Variants in TOLLIP observed in about 807,000 individuals in gnomAD.
The protein encoded by TOLLIP is toll-interacting protein.
TOLLIP carries 16 observed loss-of-function variants against 33.5 expected under a neutral mutation model. The observed-to-expected ratio is 0.48, with a 90% CI of 0.32 to 0.72. TOLLIP has a LOEUF of 0.72. TOLLIP is among the 30% of genes least tolerant of loss of function. TOLLIP has a pLI of 0.03. For synonymous variants in TOLLIP, 176 were observed against 163.7 expected (o/e 1.07, Z -0.57); for missense variants, 325 against 396.6 (o/e 0.82, Z 1.53).
At chr11:1,288,824 C>A (rs1385189610) in intron 3 of TOLLIP, 48 bp from the exon 4 acceptor site, 1 of 1,583,506 alleles carries the variant, frequency 6.3e-7, no homozygotes, top group Non-Finnish European at 8.6e-7. Context: ...GAAGGGGCCA[C>A]CCTGCCCCTG....
Position 1,285,907 on chromosome 11 carries a change from C to T in TOLLIP, c.610+95G>A, listed in dbSNP as rs1216445728. ...ATTCTAGAATGGATGACGTCCCCAC[C>T]CCGGCGCTCTAAGCCCCGTTCCCTC... On this transcript the variant is annotated intron_variant, in intron 5 of 5. Transcript: ENST00000317204. 8 of 886,992 alleles carry T rather than the reference C, an allele frequency of 9.0e-6. No individual in the cohort carries two copies. In the Admixed American group the frequency reaches 2.0e-4, roughly 22 times the overall value. 54.9% of individuals were successfully genotyped at this position (886,992 alleles called of 1,614,324 possible). A position where few individuals can be genotyped will look rare whatever the true frequency, so the allele number is the denominator to read the frequency against.
rs1199505508 is a variant in TOLLIP, at chr11:1,303,235, C to G, written c.33+6231G>C. The stretch of plus-strand genomic sequence containing the variant: ...ACTCCACTGCAGGCAGCCTTGCATC[C>G]TAAGTGCTGGGACGGTCAAGCAAGG... On this transcript the variant is annotated intron_variant, in intron 1 of 5. Transcript: ENST00000317204. This position sits in a 1 kb window ranked among gnomAD's most constrained non-coding sequence, Gnocchi z 4.2. Among the ~76,000 whole-genome samples, 2 of 152,126 alleles carry G rather than the reference C, an allele frequency of 1.3e-5. No individual in the cohort carries two copies. Among genetic ancestry groups the G allele is most frequent in the East Asian group, 3.9e-4 (2 of 5,162 alleles).
chr11:1,275,133 T>TGTGTGGGTCCCTCG lies in TOLLIP; in HGVS notation c.*1905_*1906insCGAGGGACCCACAC, dbSNP rs1863247632. 6.6e-6 allele frequency: 1 copy of TGTGTGGGTCCCTCG among 152,190 alleles called. No individual in the cohort carries two copies. 9.4% of individuals were successfully genotyped at this position (152,190 alleles called of 1,614,324 possible). A position where few individuals can be genotyped will look rare whatever the true frequency, so the allele number is the denominator to read the frequency against. On this transcript the variant is annotated 3_prime_UTR_variant, in exon 6 of 6. Coordinates refer to ENST00000317204, the MANE Select transcript of TOLLIP (RefSeq NM_019009.4). ...AGGGTTGCTCTCCCTCCAGCGAGGC[T>TGTGTGGGTCCCTCG]GGCCCCCACTGTGTGGGTCCCTCGG...
At chr11:1,297,443 G>A (rs1027924612) in intron 1 of TOLLIP, among the ~76,000 whole-genome samples, 13 of 152,334 alleles carry the variant, frequency 8.5e-5, no homozygotes, top group Middle Eastern at 3.4e-3. Context: ...TCCAGGCACC[G>A]CTTCGAGCAG....
intron 2 of TOLLIP, among the ~76,000 whole-genome samples, chr11:1,292,956 C>G (rs1863997800): frequency 6.6e-6 from 1 of 152,238 alleles, no homozygotes; most frequent in South Asian, 2.1e-4. Flanking sequence ...ATGGGCCCAG[C>G]TGGAGCAGGC....
chr11:1,302,692 G>A (rs753434222), intron 1 of TOLLIP: 79 of 985,966 alleles, frequency 8.0e-5, no homozygotes, highest in South Asian at 1.9e-4. Context: ...CATGCTCCAC[G>A]CCAGTCTCCT....
intron 1 of TOLLIP, chr11:1,298,064 A>G (rs1233518966): frequency 6.6e-6 from 1 of 152,318 alleles, no homozygotes; most frequent in African/African-American, 2.4e-5. Context: ...AGCAGGCTCT[A>G]TGACTAGCTC....
chr11:1,295,674 C>A lies in TOLLIP; in HGVS notation c.154G>T (p.Val52Leu). Reference sequence around the variant, plus strand: ...ACCACCGTGATGTTCAGTCGGCCCACGGTGCCCACTGCGCCTCCGTACTGC... The same window carrying A: ...ACCACCGTGATGTTCAGTCGGCCCAAGGTGCCCACTGCGCCTCCGTACTGC... ...QLQYGGAVGT[V>L]GRLNITVVQA... The change falls in exon 2 of 6, where the codon GTG (valine) becomes TTG (leucine). Residue 52 changes from valine to leucine, a missense_variant. Transcript: ENST00000317204. The A allele has an allele frequency of 6.2e-7, 1 of 1,601,116 alleles. No homozygotes were observed. Among genetic ancestry groups the A allele is most frequent in the Non-Finnish European group, 8.5e-7 (1 of 1,171,386 alleles).
In TOLLIP at chr11:1,295,512, G is replaced by C. The variant is rs1030675674; in HGVS notation, c.183+133C>G. On this transcript the variant is annotated intron_variant, in intron 2 of 5. Transcript: ENST00000317204. ...CACAGATCGTTTTCAACATCACACA[G>C]GTTTCAGGAAAAGCGGGAATCAGAA... The C allele has an allele frequency of 8.2e-5, 97 of 1,180,766 alleles. No homozygotes were observed. In the African/African-American group the frequency reaches 1.4e-3, roughly 17 times the overall value. The allele number at this position is 1,180,766 out of a possible 1,614,324, so 73.1% of individuals were successfully genotyped here. A position where few individuals can be genotyped will look rare whatever the true frequency, so the allele number is the denominator to read the frequency against.
Position 1,286,109 on chromosome 11 carries a change from A to T in TOLLIP, c.520-17T>A. On this transcript the variant is annotated splice_polypyrimidine_tract_variant and intron_variant, in intron 4 of 5. Transcript: ENST00000317204. The stretch of plus-strand genomic sequence containing the variant: ...TGGAAGCAGCTGAAACACAGCGGAG[A>T]TGGTCCCGGGGTCAAGGAGGAACAT... 1 of 1,577,390 alleles carries T rather than the reference A, an allele frequency of 6.3e-7. No individual in the cohort carries two copies. The highest frequency in any genetic ancestry group is 8.6e-7 in the Non-Finnish European group (1 of 1,160,978).
chr11:1,304,199 G>A (rs1864362596), intron 1 of TOLLIP, among the ~76,000 whole-genome samples: 1 of 152,118 alleles, frequency 6.6e-6, no homozygotes, highest in Non-Finnish European at 1.5e-5. Flanking sequence ...GAGAGGGCGG[G>A]GTCCCACCTT....
At position 1,298,939 on chromosome 11, in the gene TOLLIP, A is replaced by G. The variant is rs1285660408; in HGVS notation, c.34-3145T>C. Among the ~76,000 whole-genome samples the G allele has an allele frequency of 2.0e-5, 3 of 152,374 alleles. No homozygotes were observed. In the East Asian group the frequency reaches 5.8e-4, roughly 29 times the overall value. On this transcript the variant is annotated intron_variant, in intron 1 of 5. Transcript: ENST00000317204. ...CAAGGAAAGCCTGAGAGACGGTCCC[A>G]GATTGGAGATGGCAGACATGATGGC...
chr11:1,287,836 C>CGCCGCAGCCTCCCTGCCGCACCCTCTCT (rs1863791343), intron 4 of TOLLIP, among the ~76,000 whole-genome samples: 1 of 14,748 alleles, frequency 6.8e-5, no homozygotes, highest in Non-Finnish European at 1.3e-4. Context: ...GCACCCTCCC[C>CGCCGCAGCCTCCCTGCCGCACCCTCTCT]GCCGCAGCCT....
At chr11:1,292,526 C>A (rs2133910294) in intron 2 of TOLLIP, among the ~76,000 whole-genome samples, 1 of 152,350 alleles carries the variant, frequency 6.6e-6, no homozygotes, top group Admixed American at 6.5e-5. Context: ...TGCACTGTGG[C>A]TAGAAAACTC....
At chr11:1,279,176 C>T (rs3829223) in intron 5 of TOLLIP, among the ~76,000 whole-genome samples, 74,202 of 152,144 alleles carry the variant, frequency 0.49, 18,247 homozygotes, top group South Asian at 0.53. Context: ...GCTCTGCTGA[C>T]AATGAGGGGA....
rs1863387299 is a variant in TOLLIP, at chr11:1,278,599, C to T, written c.611-1346G>A. On this transcript the variant is annotated intron_variant, in intron 5 of 5. Transcript: ENST00000317204. The surrounding 1 kb of genome is among the most constrained non-coding windows in gnomAD (Gnocchi z 4.7). ...CTTCTAGGCCAGGCCGACTCTTCCT[C>T]CACACCCACCCCTGCCTCCTCTGCT... 6.6e-6 allele frequency among the ~76,000 whole-genome samples: 1 copy of T among 152,168 alleles called. No individual in the cohort carries two copies.
At chr11:1,292,119 A>G (rs1590219515) in intron 2 of TOLLIP, 1 of 152,242 alleles carries the variant, frequency 6.6e-6, no homozygotes, top group East Asian at 1.9e-4. Context: ...GTTTTCCGGA[A>G]GCTCCTGGGC....
chr11:1,293,952 T>C (rs1333732901), intron 2 of TOLLIP, among the ~76,000 whole-genome samples: 1 of 152,242 alleles, frequency 6.6e-6, no homozygotes, highest in Non-Finnish European at 1.5e-5. Flanking sequence ...GAGGAAGGGG[T>C]GACGGTGTAG....
At chr11:1,299,757 CCT>C (rs748203339) in intron 1 of TOLLIP, among the ~76,000 whole-genome samples, 14 of 152,256 alleles carry the variant, frequency 9.2e-5, no homozygotes, top group African/African-American at 2.7e-4. Flanking sequence ...GAGCCAGTCC[CCT>C]GTCAATGCTC....
Sources: allele counts gnomAD v4.1 joint callset (sites outside exome capture counted in the v4.1 genomes callset), GRCh38; gene constraint gnomAD v4.1.1; non-coding constraint Gnocchi (gnomAD v3.1); transcripts MANE v1.5; gene names NCBI Gene and HGNC (gene_info 2026-07-23, HGNC 2026-07-21).